Variants in STOM observed in about 807,000 individuals in gnomAD.
The protein encoded by STOM is erythrocyte band 7 integral membrane protein.
Under a neutral mutation model 30.6 loss-of-function variants are expected in STOM, and 25 were observed. The observed-to-expected ratio is 0.82, with a 90% confidence interval of 0.60 to 1.14. STOM has a LOEUF of 1.14. Ranked by LOEUF, STOM falls within the 50% of genes most tolerant of loss-of-function variation. The pLI is 0.00. For missense variants in STOM, 292 were observed against 365.2 expected (o/e 0.80, Z 1.63); for synonymous variants, 118 against 130.8 (o/e 0.90, Z 0.67).
chr9:121,343,149 A>T lies in STOM; in HGVS notation c.661-1741T>A, dbSNP rs997772137. The stretch of plus-strand genomic sequence containing the variant: ...TATGCTTTAATGCACAAAAGATTCA[A>T]GGTAGTTACTTTAATTCATAATCCT... On this transcript the variant is annotated intron_variant, in intron 6 of 6. Coordinates refer to ENST00000286713, the MANE Select transcript of STOM (RefSeq NM_004099.6). 2.0e-5 allele frequency among the ~76,000 whole-genome samples: 3 copies of T among 152,242 alleles called. No homozygotes were observed. The East Asian group carries it at 5.8e-4, about 29-fold the overall frequency.
intron 6 of STOM, among the ~76,000 whole-genome samples, chr9:121,344,299 G>A (rs2064271013): frequency 6.6e-6 from 1 of 152,192 alleles, no homozygotes; most frequent in Admixed American, 6.5e-5. Flanking sequence ...CCTGCTATGA[G>A]AGCAGCAGGC....
chr9:121,340,376 G>A lies in STOM; in HGVS notation c.*826C>T. On this transcript the variant is annotated 3_prime_UTR_variant, in exon 7 of 7. Transcript: ENST00000286713. ...CAGGCAAGAAAATGGCTACTCTCAA[G>A]TAAGGATTATTCTGAAACACGGTCT... The A allele has an allele frequency of 1.0e-6, 1 of 985,360 alleles. No homozygotes were observed. Among genetic ancestry groups the A allele is most frequent in the Non-Finnish European group, 1.2e-6 (1 of 829,918 alleles). The allele number at this position is 985,360 out of a possible 1,614,324, so 61.0% of individuals were successfully genotyped here.
Position 121,339,792 on chromosome 9 carries a change from C to G in STOM, c.*1410G>C. 2 of 1,216,608 alleles carry G rather than the reference C, an allele frequency of 1.6e-6. No homozygotes were observed. Among genetic ancestry groups the G allele is most frequent in the Non-Finnish European group, 1.0e-6 (1 of 979,004 alleles). 75.4% of individuals were successfully genotyped at this position (1,216,608 alleles called of 1,614,324 possible). A position where few individuals can be genotyped will look rare whatever the true frequency, so the allele number is the denominator to read the frequency against. On this transcript the variant is annotated 3_prime_UTR_variant, in exon 7 of 7. Transcript: ENST00000286713. ...AGCTGACCAGTTCCTCTTTCAGCAT[C>G]AATATACATGATAGAAGAATGACTA...
chr9:121,366,438 A>G (rs10818530), intron 1 of STOM, among the ~76,000 whole-genome samples: 49,695 of 151,984 alleles, frequency 0.33, 10,203 homozygotes, highest in East Asian at 0.58. Flanking sequence ...TCCATGCTTT[A>G]ATAAATAAAA....
At chr9:121,350,342 G>A (rs901841646) in intron 4 of STOM, among the ~76,000 whole-genome samples, 2 of 152,146 alleles carry the variant, frequency 1.3e-5, no homozygotes, top group African/African-American at 4.8e-5. Flanking sequence ...GGCTTACTTG[G>A]CAGAGTTAAG....
chr9:121,349,798 G>A (rs1381953117), intron 4 of STOM, among the ~76,000 whole-genome samples: 3 of 152,172 alleles, frequency 2.0e-5, no homozygotes, highest in Non-Finnish European at 2.9e-5. Context: ...AAAAGTGCAT[G>A]GGGAATGTTT....
At chr9:121,356,250 T>C (rs1175923257) in intron 1 of STOM, 94 bp from the exon 2 acceptor site, 4 of 999,244 alleles carry the variant, frequency 4.0e-6, no homozygotes, top group East Asian at 2.6e-5. Flanking sequence ...CCTATGTGCT[T>C]GGCACTACAC....
intron 6 of STOM, among the ~76,000 whole-genome samples, chr9:121,345,060 G>A (rs1193498730): frequency 6.6e-6 from 1 of 152,146 alleles, no homozygotes; most frequent in Non-Finnish European, 1.5e-5. Context: ...GAATAAACCA[G>A]ACTTCATTCA....
At chr9:121,363,053 C>T (rs2064468966) in intron 1 of STOM, among the ~76,000 whole-genome samples, 1 of 152,166 alleles carries the variant, frequency 6.6e-6, no homozygotes. Flanking sequence ...CAACAGATAA[C>T]TGGATTTCCT....
rs1647138999 is a variant in STOM, at chr9:121,341,200, CACT to C, written c.866_*1del. The C allele has an allele frequency of 6.2e-7, 1 of 1,614,154 alleles. No individual in the cohort carries two copies. Among genetic ancestry groups the C allele is most frequent in the Non-Finnish European group, 8.5e-7 (1 of 1,180,032 alleles). Reference sequence around the variant, plus strand: ...CTTGGAAGGCTAGCGCTCATCTCTACACTAGCCTAGATGGCTGTGTTTTGCCCC... The same window carrying C: ...CTTGGAAGGCTAGCGCTCATCTCTACAGCCTAGATGGCTGTGTTTTGCCCC... On this transcript the variant is annotated stop_lost and 3_prime_UTR_variant, in exon 7 of 7. Coordinates refer to ENST00000286713, the MANE Select transcript of STOM (RefSeq NM_004099.6).
chr9:121,358,095 G>T (rs543266982), intron 1 of STOM, among the ~76,000 whole-genome samples: 1 of 151,834 alleles, frequency 6.6e-6, no homozygotes, highest in East Asian at 1.9e-4. Context: ...GAGCCCAGGG[G>T]TTTGAGACTA....
At chr9:121,358,149 A>AC (rs1554831123) in intron 1 of STOM, among the ~76,000 whole-genome samples, 3 of 126,844 alleles carry the variant, frequency 2.4e-5, no homozygotes, top group Non-Finnish European at 3.8e-5. Flanking sequence ...TTAAAAAAAA[A>AC]AAAAATAATA....
At chr9:121,348,973 T>C in intron 5 of STOM, 147 bp downstream of exon 5, 1 of 833,132 alleles carries the variant, frequency 1.2e-6, no homozygotes, top group South Asian at 1.9e-5. Flanking sequence ...TGTCCCCTCC[T>C]GCCAAATTTG....
intron 6 of STOM, among the ~76,000 whole-genome samples, chr9:121,343,225 A>G (rs2064261805): frequency 4.6e-5 from 7 of 152,168 alleles, no homozygotes; most frequent in Admixed American, 3.9e-4. Flanking sequence ...TAAAAGTACA[A>G]TTTCTCCAGG....
At position 121,349,300 on chromosome 9, in the gene STOM, T is replaced by A; in HGVS notation, c.345A>T (p.Thr115=). ...PQEILTKDSV[T]ISVDGVVYYR... ...AATAGACCACACCATCCACGCTAAT[T>A]GTCACTGAATCCTTTGTGAGGATCT... The change falls in exon 5 of 7, where the codon ACA becomes ACT. Residue 115 remains threonine (T), a synonymous_variant. Transcript: ENST00000286713. The A allele has an allele frequency of 6.2e-7, 1 of 1,614,172 alleles. No homozygotes were observed. Among genetic ancestry groups the A allele is most frequent in the Non-Finnish European group, 8.5e-7 (1 of 1,180,014 alleles).
chr9:121,355,231 C>CAAAAAAAAAAAA (rs762080105), intron 2 of STOM, among the ~76,000 whole-genome samples: 1 of 83,426 alleles, frequency 1.2e-5, no homozygotes, highest in Non-Finnish European at 2.3e-5. Context: ...GACTCCGTCT[C>CAAAAAAAAAAAA]AAAAAAAAAA....
At chr9:121,353,668 C>A (rs991277264) in intron 3 of STOM, among the ~76,000 whole-genome samples, 1 of 152,172 alleles carries the variant, frequency 6.6e-6, no homozygotes, top group African/African-American at 2.4e-5. Flanking sequence ...CCCTCCCCCA[C>A]GCATGGTCCT....
At chr9:121,351,689 A>G (rs893687098) in intron 4 of STOM, among the ~76,000 whole-genome samples, 4 of 152,256 alleles carry the variant, frequency 2.6e-5, no homozygotes, top group Non-Finnish European at 5.9e-5. Context: ...AAACAGCACT[A>G]TACAAAGAAT....
At chr9:121,351,008 C>T (rs1357782867) in intron 4 of STOM, among the ~76,000 whole-genome samples, 1 of 152,190 alleles carries the variant, frequency 6.6e-6, no homozygotes, top group African/African-American at 2.4e-5. Context: ...GCCACAGCTT[C>T]TTTCTAAAGC....
Sources: gnomAD v4.1 joint callset for allele counts (sites outside exome capture counted in the v4.1 genomes callset) on GRCh38, gnomAD v4.1.1 for gene constraint, MANE v1.5 for transcripts, NCBI Gene and HGNC (gene_info 2026-07-23, HGNC 2026-07-21) for gene names.